The following ARHGAP8 variants were observed in gnomAD, a reference collection of about 807,000 sequenced individuals.
The protein encoded by ARHGAP8 is rho GTPase-activating protein 8.
ARHGAP8 carries 62 observed loss-of-function variants against 46.1 expected under a neutral mutation model. The ratio of observed to expected loss-of-function variants is 1.34; its 90% confidence interval spans 1.10 to 1.66. The LOEUF (loss-of-function observed/expected upper bound fraction) is 1.66, where lower values mean the gene tolerates loss of function less well. ARHGAP8 is among the 40% of genes most tolerant of loss of function. The pLI, the probability that ARHGAP8 is intolerant of heterozygous loss-of-function variation, is 0.00. For synonymous variants in ARHGAP8, 375 were observed against 243.1 expected (o/e 1.54, Z -5.05); for missense variants, 923 against 568.4 (o/e 1.62, Z -6.34).
chr22:44,784,856 C>A (rs986715124), intron 1 of ARHGAP8, among the ~76,000 whole-genome samples: 1 of 152,206 alleles, frequency 6.6e-6, no homozygotes, highest in Non-Finnish European at 1.5e-5. Context: ...AGTAGGTACT[C>A]AATGCATATT....
chr22:44,859,673 G>C lies in ARHGAP8; in HGVS notation c.878-58G>C, dbSNP rs777655274. 3.1e-6 allele frequency: 5 copies of C among 1,588,044 alleles called. No homozygotes were observed. In the South Asian group the frequency reaches 3.3e-5, roughly 11 times the overall value. ...CACCCCTGTTCTCCTCCCGGGCCGGGATGCAGCGCTGCCCCTGGCCCCTCT... is the reference window on the plus strand; with the variant it reads ...CACCCCTGTTCTCCTCCCGGGCCGGCATGCAGCGCTGCCCCTGGCCCCTCT... On this transcript the variant is annotated intron_variant, in intron 10 of 11. Transcript: ENST00000356099.
chr22:44,862,670 A>C lies in ARHGAP8; in HGVS notation c.*75A>C. The C allele has an allele frequency of 2.7e-6, 4 of 1,473,902 alleles. No individual in the cohort carries two copies. The highest frequency in any genetic ancestry group is 1.8e-4 in the Middle Eastern group (1 of 5,530). The allele number at this position is 1,473,902 out of a possible 1,614,324, so 91.3% of individuals were successfully genotyped here. A position where few individuals can be genotyped will look rare whatever the true frequency, so the allele number is the denominator to read the frequency against. ...CACTTGTATGTTTTGTAAACTTGGCATCTGTAAAAATAACCAGCCATTAGA... is the reference window on the plus strand; with the variant it reads ...CACTTGTATGTTTTGTAAACTTGGCCTCTGTAAAAATAACCAGCCATTAGA... On this transcript the variant is annotated 3_prime_UTR_variant, in exon 12 of 12. Coordinates refer to ENST00000356099, the MANE Select transcript of ARHGAP8 (RefSeq NM_181335.3).
At chr22:44,801,538 A>C (rs993771673) in intron 2 of ARHGAP8, among the ~76,000 whole-genome samples, 1 of 152,098 alleles carries the variant, frequency 6.6e-6, no homozygotes, top group African/African-American at 2.4e-5. Context: ...TGAGGGGCAC[A>C]GATGTGTCAA....
In ARHGAP8 at chr22:44,777,629, C is replaced by A. The variant is rs1412284412; in HGVS notation, c.-71-8828C>A. On this transcript the variant is annotated intron_variant, in intron 1 of 11. Coordinates refer to ENST00000356099, the MANE Select transcript of ARHGAP8 (RefSeq NM_181335.3). ...TACTTCTGCAGCTGCTTTTTTTTTT[C>A]TCCCTTCTGAATTCTTAACTTGTAT... Among the ~76,000 whole-genome samples the A allele has an allele frequency of 4.0e-5, 6 of 149,730 alleles. No individual in the cohort carries two copies. In the South Asian group the frequency reaches 1.3e-3, roughly 32 times the overall value.
intron 7 of ARHGAP8, among the ~76,000 whole-genome samples, chr22:44,839,298 C>T (rs985449201): frequency 1.3e-5 from 2 of 152,196 alleles, no homozygotes; most frequent in Admixed American, 1.3e-4. Context: ...CCTCGGGGAG[C>T]TGTGGATTGC....
At chr22:44,812,343 C>CT (rs530097460) in intron 4 of ARHGAP8, among the ~76,000 whole-genome samples, 5,149 of 134,222 alleles carry the variant, frequency 0.038, 148 homozygotes, top group East Asian at 0.075. Context: ...CTCTCAGAGC[C>CT]TTTTTTTTTT....
At chr22:44,861,106 G>A (rs2070459626) in intron 11 of ARHGAP8, among the ~76,000 whole-genome samples, 1 of 152,132 alleles carries the variant, frequency 6.6e-6, no homozygotes, top group Admixed American at 6.5e-5. Context: ...CACGTAGCTG[G>A]GATTACAGGT....
chr22:44,842,287 G>A (rs1412164922), intron 7 of ARHGAP8, among the ~76,000 whole-genome samples: 5 of 152,212 alleles, frequency 3.3e-5, no homozygotes, highest in East Asian at 1.9e-4. Flanking sequence ...AACTCAGGAG[G>A]TGGAGGTTGC....
rs71188491 is a variant in ARHGAP8, at chr22:44,835,231, C to CTATATATATATA, written c.596+9646_596+9657dup. Among the ~76,000 whole-genome samples the CTATATATATATA allele has an allele frequency of 3.1e-3, 454 of 146,910 alleles. 3 individuals carry two copies. Among genetic ancestry groups the CTATATATATATA allele is most frequent in the African/African-American group, 0.011 (434 of 40,218 alleles). On this transcript the variant is annotated intron_variant, in intron 7 of 11. Coordinates refer to ENST00000356099, the MANE Select transcript of ARHGAP8 (RefSeq NM_181335.3). ...CTGTTTCAATTTTTTGTTTCTTTTG[C>CTATATATATATA]TATATATATATATATATATTTAAAG...
chr22:44,857,708 C>T lies in ARHGAP8; in HGVS notation c.878-2023C>T, dbSNP rs1001905613. ...CATAGGATGATCTCATGGCCTGCTC[C>T]AGAGGAGAAAGGGGAGGTCAGAGAG... is the stretch of plus-strand genomic sequence containing the variant. On this transcript the variant is annotated intron_variant, in intron 10 of 11. Coordinates refer to ENST00000356099, the MANE Select transcript of ARHGAP8 (RefSeq NM_181335.3). Among the ~76,000 whole-genome samples, 93 of 152,152 alleles carry T rather than the reference C, an allele frequency of 6.1e-4. 1 individual carries two copies. Among genetic ancestry groups the T allele is most frequent in the African/African-American group, 2.2e-3 (91 of 41,442 alleles).
intron 6 of ARHGAP8, among the ~76,000 whole-genome samples, chr22:44,823,685 A>G (rs530596973): frequency 6.6e-6 from 1 of 152,302 alleles, no homozygotes; most frequent in Non-Finnish European, 1.5e-5. Flanking sequence ...ATGTATTTGT[A>G]GCAGCTCTGT....
intron 1 of ARHGAP8, among the ~76,000 whole-genome samples, chr22:44,779,859 C>A (rs982984453): frequency 6.6e-6 from 1 of 152,190 alleles, no homozygotes; most frequent in Non-Finnish European, 1.5e-5. Context: ...TGAGCCACCA[C>A]GCTCGGCCTT....
chr22:44,852,610 CCTT>C (rs1569181079), intron 10 of ARHGAP8, among the ~76,000 whole-genome samples: 1 of 152,096 alleles, frequency 6.6e-6, no homozygotes, highest in African/African-American at 2.4e-5. Context: ...TTGCATGAAT[CCTT>C]CTCTCAGTGC....
rs537621195 is a variant in ARHGAP8 at position 44,799,575 on chromosome 22, G to T, written c.80-2502G>T. Among the ~76,000 whole-genome samples, 167 of 152,180 alleles carry T rather than the reference G, an allele frequency of 1.1e-3. 2 individuals are homozygous for T. Among genetic ancestry groups the T allele is most frequent in the Non-Finnish European group, 1.4e-3 (97 of 68,002 alleles). On this transcript the variant is annotated intron_variant, in intron 2 of 11. Coordinates refer to ENST00000356099, the MANE Select transcript of ARHGAP8 (RefSeq NM_181335.3). ...GGGGCCTCGTGGACCAGCAGTGGAG[G>T]GATCTCCGTGTTCCCCACTCCTGAC...
In ARHGAP8 at chr22:44,822,478, C is replaced by G. The variant is rs770584440; in HGVS notation, c.485+9C>G. 18 of 1,534,914 alleles carry G rather than the reference C, an allele frequency of 1.2e-5. No individual in the cohort carries two copies. The highest frequency in any genetic ancestry group is 7.8e-6 in the Non-Finnish European group (9 of 1,150,406). On this transcript the variant is annotated intron_variant, in intron 6 of 11. Coordinates refer to ENST00000356099, the MANE Select transcript of ARHGAP8 (RefSeq NM_181335.3). ...CCTCCCGAAGTTTTGCGGTAAGTGC[C>G]TGTTAGACCCCAGAAGCCGCATCAA... is the stretch of plus-strand genomic sequence containing the variant.
intron 2 of ARHGAP8, 149 bp downstream of exon 2, chr22:44,786,755 C>G: frequency 8.0e-7 from 1 of 1,253,476 alleles, no homozygotes; most frequent in Non-Finnish European, 1.1e-6. Flanking sequence ...TGGCTCATAC[C>G]TTTAATCCTA....
intron 1 of ARHGAP8, among the ~76,000 whole-genome samples, chr22:44,776,557 C>G (rs989619326): frequency 2.6e-5 from 4 of 152,180 alleles, no homozygotes; most frequent in Non-Finnish European, 5.9e-5. Flanking sequence ...TGAAGTGCCA[C>G]CTGCCTTGTT....
chr22:44,861,731 C>T lies in ARHGAP8; in HGVS notation c.982-544C>T, dbSNP rs562205073. Among the ~76,000 whole-genome samples, 11 of 152,282 alleles carry T rather than the reference C, an allele frequency of 7.2e-5. No homozygotes were observed. The South Asian group carries it at 2.3e-3, about 32-fold the overall frequency. ...ATGACCTTGGGCAAGTCTCCTGTAC[C>T]TTCCAGGCCCCAGATTCCTCATCTG... On this transcript the variant is annotated intron_variant, in intron 11 of 11. Coordinates refer to ENST00000356099, the MANE Select transcript of ARHGAP8 (RefSeq NM_181335.3).
chr22:44,797,779 T>C (rs1928197228), intron 2 of ARHGAP8, among the ~76,000 whole-genome samples: 1 of 152,028 alleles, frequency 6.6e-6, no homozygotes, highest in African/African-American at 2.4e-5. Flanking sequence ...CATGCCAGTG[T>C]GCATGTGAGT....
Sources: allele counts gnomAD v4.1 joint callset (sites outside exome capture counted in the v4.1 genomes callset), GRCh38; gene constraint gnomAD v4.1.1; transcripts MANE v1.5; gene names NCBI Gene and HGNC (gene_info 2026-07-23, HGNC 2026-07-21).